Variants in GLI3 observed in about 807,000 individuals in gnomAD.
GLI3 encodes GLI family zinc finger 3.
A neutral mutation model predicts 100.8 loss-of-function variants in GLI3; 20 were observed. The observed-to-expected ratio is 0.20, with a 90% CI of 0.14 to 0.29. The LOEUF is 0.29. Ranked by LOEUF, GLI3 falls within the 10% of genes least tolerant of loss-of-function variation. The probability of loss-of-function intolerance (pLI) is 1.00; values close to 1 mark genes in which losing one functional copy is unlikely to be tolerated. For missense variants in GLI3, 2,040 were observed against 2,128.5 expected, an observed-to-expected ratio of 0.96 and a Z score of 0.82; for synonymous variants, 938 against 860.5, an observed-to-expected ratio of 1.09 and a Z score of -1.58.
intron 2 of GLI3, among the ~76,000 whole-genome samples, chr7:42,219,656 G>C (rs1018113427): frequency 2.0e-5 from 3 of 152,152 alleles, no homozygotes; most frequent in African/African-American, 7.2e-5. Flanking sequence ...GCAGTGGAAT[G>C]TGAGTGGTTT....
intron 7 of GLI3, among the ~76,000 whole-genome samples, chr7:42,028,816 A>T (rs1282894840): frequency 6.6e-6 from 1 of 151,402 alleles, no homozygotes; most frequent in Non-Finnish European, 1.5e-5. Context: ...ATAAAGAAAT[A>T]AAAAGATGTA....
At chr7:42,125,927 G>A (rs1302398657) in intron 3 of GLI3, among the ~76,000 whole-genome samples, 3 of 151,940 alleles carry the variant, frequency 2.0e-5, no homozygotes, top group Non-Finnish European at 4.4e-5. Flanking sequence ...TTCACAGGAG[G>A]AATACAAATA....
At chr7:42,041,163 G>T (rs1313992198) in intron 6 of GLI3, among the ~76,000 whole-genome samples, 1 of 152,138 alleles carries the variant, frequency 6.6e-6, no homozygotes, top group Non-Finnish European at 1.5e-5. Flanking sequence ...CTCTTCTCTG[G>T]ACCTTGTTTC....
intron 1 of GLI3, among the ~76,000 whole-genome samples, chr7:42,236,141 A>C (rs1747525615): frequency 6.6e-6 from 1 of 152,244 alleles, no homozygotes; most frequent in Middle Eastern, 3.4e-3. Flanking sequence ...TCCGCTTCGG[A>C]CAATCTGCTT....
Position 42,228,040 on chromosome 7 carries a change from T to C in GLI3, c.-42-4745A>G, listed in dbSNP as rs1583662980. ...ATGTTTTTCACGCCTTTCACCACTT[T>C]TGCCCGCGCCTGCGTCCCCTGCCCG... On this transcript the variant is annotated intron_variant, in intron 1 of 14. Coordinates refer to ENST00000395925, the MANE Select transcript of GLI3 (RefSeq NM_000168.6). 2.0e-5 allele frequency among the ~76,000 whole-genome samples: 3 copies of C among 152,294 alleles called. No individual in the cohort carries two copies. In the South Asian group the frequency reaches 6.2e-4, roughly 32 times the overall value.
In GLI3 at chr7:42,056,982, C is replaced by CA. The variant is rs11322222; in HGVS notation, c.474-8287dup. Among the ~76,000 whole-genome samples, 735 of 102,678 alleles carry CA rather than the reference C, an allele frequency of 7.2e-3. 11 individuals are homozygous for CA. The highest frequency in any genetic ancestry group is 0.02 in the Middle Eastern group (4 of 196). 67.4% of individuals were successfully genotyped at this position (102,678 alleles called of 152,430 possible). A position where few individuals can be genotyped will look rare whatever the true frequency, so the allele number is the denominator to read the frequency against. On this transcript the variant is annotated intron_variant, in intron 4 of 14. Coordinates refer to ENST00000395925, the MANE Select transcript of GLI3 (RefSeq NM_000168.6). ...GGGCAATAAGAGCGAAACTCCGTCT[C>CA]AAAAAAAAAAAAAAAAAGTCTCTTA...
chr7:42,118,292 C>T (rs1785910491), intron 3 of GLI3: 1 of 398,526 alleles, frequency 2.5e-6, no homozygotes, highest in Non-Finnish European at 4.4e-6. Context: ...ATGGACTAAG[C>T]AGTTTTTATT....
intron 4 of GLI3, among the ~76,000 whole-genome samples, chr7:42,063,666 A>C (rs80279171): frequency 6.6e-6 from 1 of 152,222 alleles, no homozygotes; most frequent in South Asian, 2.1e-4. Flanking sequence ...TAGATGATTT[A>C]AATATGGGGA....
chr7:42,100,296 T>C (rs1166244733), intron 3 of GLI3, among the ~76,000 whole-genome samples: 1 of 152,234 alleles, frequency 6.6e-6, no homozygotes. Flanking sequence ...TGGGTTGAAC[T>C]GTGTCCCTTT....
intron 2 of GLI3, among the ~76,000 whole-genome samples, chr7:42,188,939 A>G (rs930071620): frequency 1.1e-4 from 17 of 152,160 alleles, no homozygotes; most frequent in African/African-American, 4.1e-4. Flanking sequence ...CATTTGTCCA[A>G]ACCCACAGAA....
upstream of GLI3, among the ~76,000 whole-genome samples, chr7:42,240,831 C>T (rs751006885): frequency 1.3e-5 from 2 of 152,166 alleles, no homozygotes; most frequent in African/African-American, 2.4e-5. Context: ...ATGAAGGATA[C>T]GCAAGAGAGA....
At chr7:42,244,554 T>A (rs1475001219) in intron 1 of GLI3, among the ~76,000 whole-genome samples, 4 of 152,200 alleles carry the variant, frequency 2.6e-5, no homozygotes, top group Non-Finnish European at 5.9e-5. Context: ...TCAGACTTCA[T>A]CTACACATGA....
intron 3 of GLI3, among the ~76,000 whole-genome samples, chr7:42,087,473 C>T (rs1275568868): frequency 6.6e-6 from 1 of 152,212 alleles, no homozygotes; most frequent in African/African-American, 2.4e-5. Flanking sequence ...CCCATGCCAC[C>T]ACCTCTAAGA....
chr7:42,146,165 A>G (rs1157433981), intron 3 of GLI3, among the ~76,000 whole-genome samples: 2 of 152,240 alleles, frequency 1.3e-5, no homozygotes, highest in East Asian at 3.9e-4. Flanking sequence ...AAGTTATCAC[A>G]TAATTTTAAC....
chr7:42,090,714 A>T (rs1470881149), intron 3 of GLI3, among the ~76,000 whole-genome samples: 1 of 152,214 alleles, frequency 6.6e-6, no homozygotes. Context: ...CACTAGACAG[A>T]CACTGTCCTC....
intron 2 of GLI3, among the ~76,000 whole-genome samples, chr7:42,187,718 A>G (rs1466803025): frequency 6.6e-6 from 1 of 152,090 alleles, no homozygotes; most frequent in Non-Finnish European, 1.5e-5. Context: ...CGAGAAGGCC[A>G]GCAGAGCCGG....
upstream of GLI3, among the ~76,000 whole-genome samples, chr7:42,237,281 T>C (rs1308683031): frequency 2.6e-5 from 4 of 151,198 alleles, no homozygotes; most frequent in African/African-American, 7.3e-5. Flanking sequence ...GTTTCGGGGA[T>C]CGTGTAATCC....
intron 2 of GLI3, among the ~76,000 whole-genome samples, chr7:42,220,561 A>G (rs919572751): frequency 8.5e-5 from 13 of 152,214 alleles, no homozygotes; most frequent in Non-Finnish European, 1.5e-4. Context: ...ACCAGGTTGC[A>G]GAAGAAAGGG....
At chr7:42,074,252 G>A (rs1272135463) in intron 4 of GLI3, among the ~76,000 whole-genome samples, 3 of 152,204 alleles carry the variant, frequency 2.0e-5, no homozygotes, top group Non-Finnish European at 1.5e-5. Context: ...TCCACGTTAC[G>A]AAACCAACAC....
Sources: allele counts gnomAD v4.1 joint callset (sites outside exome capture counted in the v4.1 genomes callset), GRCh38; gene constraint gnomAD v4.1.1; transcripts MANE v1.5; gene names NCBI Gene and HGNC (gene_info 2026-07-23, HGNC 2026-07-21).